The following KDM2A variants were observed in gnomAD, a reference collection of about 807,000 sequenced individuals.
KDM2A encodes the protein lysine demethylase 2A.
A neutral mutation model predicts 137.3 loss-of-function variants in KDM2A; 3 were observed. That is an observed-to-expected ratio of 0.02 (90% confidence interval 0.01 to 0.06). The LOEUF (loss-of-function observed/expected upper bound fraction) is 0.06, where lower values mean the gene tolerates loss of function less well. Ranked by LOEUF, KDM2A falls within the 10% of genes least tolerant of loss-of-function variation. The pLI, the probability that KDM2A is intolerant of heterozygous loss-of-function variation, is 1.00. For synonymous variants in KDM2A, 512 were observed against 541.5 expected (o/e 0.95, Z 0.76); for missense variants, 738 against 1,510.6 (o/e 0.49, Z 8.48).
chr11:67,240,046 C>G (rs895595976), intron 12 of KDM2A: 2 of 1,307,026 alleles, frequency 1.5e-6, no homozygotes, highest in Non-Finnish European at 1.9e-6. Context: ...TGCCATCTTC[C>G]GTTGCAAAGC....
chr11:67,120,129 C>T (rs1364673663), intron 1 of KDM2A, 80 bp downstream of exon 1: 1 of 152,106 alleles, frequency 6.6e-6, no homozygotes, highest in Admixed American at 6.6e-5. Flanking sequence ...GTTTCTATCT[C>T]TTTTTCCGAT....
chr11:67,193,659 G>A (rs574136899), intron 5 of KDM2A, among the ~76,000 whole-genome samples: 2 of 152,006 alleles, frequency 1.3e-5, no homozygotes, highest in Non-Finnish European at 2.9e-5. Context: ...TCGGGAGTTC[G>A]AGACCAGCCT....
At chr11:67,207,717 C>G in intron 6 of KDM2A, 29 bp downstream of exon 6, 1 of 1,534,400 alleles carries the variant, frequency 6.5e-7, no homozygotes, top group South Asian at 1.2e-5. Context: ...TTCATATTGT[C>G]ATTGTCACCA....
At chr11:67,151,257 T>C (rs1444629432) in intron 2 of KDM2A, among the ~76,000 whole-genome samples, 1 of 152,196 alleles carries the variant, frequency 6.6e-6, no homozygotes. Context: ...TTGTACGCTA[T>C]GGTAGCCACT....
intron 2 of KDM2A, among the ~76,000 whole-genome samples, chr11:67,142,557 GGGGGTTGGGGTTGGGGTTGGGGTT>G (rs56758864): frequency 1.7e-5 from 2 of 115,256 alleles, no homozygotes; most frequent in Non-Finnish European, 4.0e-5. Flanking sequence ...AAGTTGGCCG[GGGGGTTGGGGTTGGGGTTGGGGTT>G]GGGGTTGGGG....
intron 2 of KDM2A, among the ~76,000 whole-genome samples, chr11:67,122,700 G>C (rs1855626435): frequency 6.7e-6 from 1 of 148,736 alleles, no homozygotes; most frequent in Non-Finnish European, 1.5e-5. Flanking sequence ...TTTTGAGACA[G>C]AGTCTGGCTC....
At chr11:67,186,198 T>A (rs916200427) in intron 5 of KDM2A, among the ~76,000 whole-genome samples, 8 of 151,980 alleles carry the variant, frequency 5.3e-5, no homozygotes, top group African/African-American at 1.7e-4. Flanking sequence ...CAAGACACAT[T>A]ATAATCAAAC....
At chr11:67,177,026 G>A (rs999956965) in intron 2 of KDM2A, among the ~76,000 whole-genome samples, 1 of 152,168 alleles carries the variant, frequency 6.6e-6, no homozygotes, top group Non-Finnish European at 1.5e-5. Context: ...GGGAGGCTGA[G>A]GTGGGCGGAT....
intron 5 of KDM2A, among the ~76,000 whole-genome samples, chr11:67,185,773 T>TTA (rs767190653): frequency 6.6e-6 from 1 of 152,070 alleles, no homozygotes; most frequent in Non-Finnish European, 1.5e-5. Flanking sequence ...ATTGGTGCTG[T>TTA]TATAAAAGCA....
intron 10 of KDM2A, among the ~76,000 whole-genome samples, chr11:67,225,930 T>C (rs1479456057): frequency 6.6e-6 from 1 of 151,988 alleles, no homozygotes; most frequent in Non-Finnish European, 1.5e-5. Context: ...CTGGTCATGG[T>C]GGTGCACACC....
intron 12 of KDM2A, among the ~76,000 whole-genome samples, chr11:67,233,244 C>T (rs1187174915): frequency 1.3e-5 from 2 of 150,982 alleles, no homozygotes; most frequent in Admixed American, 1.3e-4. Context: ...GGGGGCCAGG[C>T]ACAGTGGCTC....
At chr11:67,138,906 A>AT (rs1391894021) in intron 2 of KDM2A, among the ~76,000 whole-genome samples, 1 of 152,242 alleles carries the variant, frequency 6.6e-6, no homozygotes. Context: ...GAAACAAAAA[A>AT]TTAACTAGAG....
intron 5 of KDM2A, among the ~76,000 whole-genome samples, chr11:67,205,256 A>G (rs936448180): frequency 1.3e-5 from 2 of 152,138 alleles, no homozygotes; most frequent in Non-Finnish European, 2.9e-5. Flanking sequence ...TTTTTCTTTT[A>G]AAATATGAAG....
intron 10 of KDM2A, among the ~76,000 whole-genome samples, chr11:67,221,544 C>T (rs557085518): frequency 6.6e-6 from 1 of 152,200 alleles, no homozygotes; most frequent in Non-Finnish European, 1.5e-5. Flanking sequence ...GTAGGAGTTA[C>T]GTATCACTAT....
At chr11:67,129,742 A>G (rs890220353) in intron 2 of KDM2A, among the ~76,000 whole-genome samples, 2 of 144,630 alleles carry the variant, frequency 1.4e-5, no homozygotes, top group African/African-American at 2.8e-5. Flanking sequence ...TCAAAAAAAA[A>G]AAAAAAAAGA....
At chr11:67,221,316 T>C (rs1858341015) in intron 10 of KDM2A, among the ~76,000 whole-genome samples, 2 of 152,150 alleles carry the variant, frequency 1.3e-5, no homozygotes, top group South Asian at 4.1e-4. Context: ...ATGTTAACAG[T>C]TGGAGAATTG....
chr11:67,242,950 G>C (rs1859093659), intron 12 of KDM2A, 59 bp from the exon 13 acceptor site: 1 of 1,318,044 alleles, frequency 7.6e-7, no homozygotes, highest in Non-Finnish European at 1.1e-6. Context: ...GCTGTTCAGG[G>C]TGGTTGGCTC....
At chr11:67,243,803 G>A (rs1048654361) in intron 13 of KDM2A, 1 of 152,080 alleles carries the variant, frequency 6.6e-6, no homozygotes, top group African/African-American at 2.4e-5. Context: ...GGACAAGAGC[G>A]AAACTGTCTC....
intron 2 of KDM2A, among the ~76,000 whole-genome samples, chr11:67,150,474 G>T (rs1012142104): frequency 2.0e-5 from 3 of 152,104 alleles, no homozygotes; most frequent in Non-Finnish European, 4.4e-5. Context: ...AGTATTTTTG[G>T]TTTTTGTTTG....
Sources: gnomAD v4.1 joint callset for allele counts (sites outside exome capture counted in the v4.1 genomes callset) on GRCh38, gnomAD v4.1.1 for gene constraint, MANE v1.5 for transcripts, NCBI Gene and HGNC (gene_info 2026-07-23, HGNC 2026-07-21) for gene names.